Variants in ABCA1 observed in about 807,000 individuals in gnomAD.
ABCA1 encodes ATP binding cassette subfamily A member 1, also known as phospholipid-transporting ATPase ABCA1.
Under a neutral mutation model 262.5 loss-of-function variants are expected in ABCA1, and 133 were observed. That is an observed-to-expected ratio of 0.51 (90% CI 0.44 to 0.59). ABCA1 has a LOEUF of 0.59. ABCA1 is among the 20% of genes least tolerant of loss of function. ABCA1 has a pLI of 0.00. For missense variants in ABCA1, 2,452 were observed against 2,777.5 expected, an observed-to-expected ratio of 0.88 and a Z score of 2.63; for synonymous variants, 1,022 against 1,043.5, an observed-to-expected ratio of 0.98 and a Z score of 0.40.
At position 104,832,838 on chromosome 9, in the gene ABCA1, T is replaced by C; in HGVS notation, c.1312-67A>G. ...AAATCTTGAGGAGCACTACAAAATT[T>C]ACAAAATACTTGCATATACACTGTC... On this transcript the variant is annotated intron_variant, in intron 11 of 49. Coordinates refer to ENST00000374736, the MANE Select transcript of ABCA1 (RefSeq NM_005502.4). 4 of 1,459,654 alleles carry C rather than the reference T, an allele frequency of 2.7e-6. No individual in the cohort carries two copies. In the East Asian group the frequency reaches 6.8e-5, roughly 25 times the overall value. The allele number at this position is 1,459,654 out of a possible 1,614,324, so 90.4% of individuals were successfully genotyped here. A position where few individuals can be genotyped will look rare whatever the true frequency, so the allele number is the denominator to read the frequency against.
intron 17 of ABCA1, 88 bp from the exon 18 acceptor site, chr9:104,824,666 C>T (rs1328935435): frequency 6.9e-7 from 1 of 1,452,802 alleles, no homozygotes. Context: ...CTCCTTGACA[C>T]ATCCTTTGGA....
chr9:104,900,809 C>A (rs1253740473), intron 2 of ABCA1, among the ~76,000 whole-genome samples: 1 of 152,204 alleles, frequency 6.6e-6, no homozygotes, highest in Non-Finnish European at 1.5e-5. Flanking sequence ...TAAGCATCAG[C>A]AACCTGAAAT....
intron 5 of ABCA1, among the ~76,000 whole-genome samples, chr9:104,862,654 C>CGGCCA (rs1836605175): frequency 1.3e-4 from 1 of 7,512 alleles, no homozygotes; most frequent in African/African-American, 6.6e-4. Context: ...CGGGCCGGGC[C>CGGCCA]GGGCCGGGCC....
chr9:104,807,886 T>TAG (rs1303870991), intron 30 of ABCA1, among the ~76,000 whole-genome samples: 4 of 116,696 alleles, frequency 3.4e-5, no homozygotes, highest in African/African-American at 1.9e-4. Flanking sequence ...ATATATATAT[T>TAG]ATAAATATAT....
chr9:104,876,294 G>A (rs1237144247), intron 5 of ABCA1, among the ~76,000 whole-genome samples: 2 of 152,194 alleles, frequency 1.3e-5, no homozygotes, highest in Non-Finnish European at 2.9e-5. Context: ...GTGTGGAAAC[G>A]GGGAACAGAG....
chr9:104,872,789 A>G (rs968766422), intron 5 of ABCA1, among the ~76,000 whole-genome samples: 2 of 152,142 alleles, frequency 1.3e-5, no homozygotes, highest in Admixed American at 1.3e-4. Flanking sequence ...GAATAAATAA[A>G]CCTTATGCTG....
At chr9:104,828,140 G>C (rs1271257810) in intron 15 of ABCA1, among the ~76,000 whole-genome samples, 2 of 152,226 alleles carry the variant, frequency 1.3e-5, no homozygotes, top group Non-Finnish European at 2.9e-5. Context: ...ATTCAGGGAA[G>C]CCTTGTTGCC....
At chr9:104,913,493 T>A (rs1293777945) in intron 1 of ABCA1, among the ~76,000 whole-genome samples, 1 of 152,216 alleles carries the variant, frequency 6.6e-6, no homozygotes, top group East Asian at 1.9e-4. Context: ...CAGTGAAGTA[T>A]TCATCAAGGG....
chr9:104,879,208 G>A (rs1838417653), intron 5 of ABCA1, among the ~76,000 whole-genome samples: 1 of 152,212 alleles, frequency 6.6e-6, no homozygotes, highest in South Asian at 2.1e-4. Context: ...TGCATAAATT[G>A]CAAGGCAGAA....
intron 1 of ABCA1, among the ~76,000 whole-genome samples, chr9:104,909,635 CACACACACACACACACACAT>C (rs1395274300): frequency 1.3e-5 from 2 of 150,754 alleles, no homozygotes; most frequent in African/African-American, 2.5e-5. Context: ...CACACACACA[CACACACACACACACACACAT>C]TCACAGGAAG....
intron 8 of ABCA1, among the ~76,000 whole-genome samples, chr9:104,844,803 G>A (rs951150354): frequency 7.2e-5 from 11 of 152,084 alleles, no homozygotes; most frequent in South Asian, 6.2e-4. Flanking sequence ...ACAGTTCCTC[G>A]CTTCCAAGCC....
At chr9:104,792,165 G>A (rs889079514) in intron 42 of ABCA1, among the ~76,000 whole-genome samples, 167 bp from the exon 43 acceptor site, 2 of 152,220 alleles carry the variant, frequency 1.3e-5, no homozygotes, top group African/African-American at 4.8e-5. Flanking sequence ...CTGCGTTTGT[G>A]GCGACTGGCT....
At chr9:104,890,400 T>C (rs901813466) in intron 2 of ABCA1, among the ~76,000 whole-genome samples, 3 of 152,072 alleles carry the variant, frequency 2.0e-5, no homozygotes, top group Non-Finnish European at 2.9e-5. Flanking sequence ...GCCAACATGG[T>C]GAAACCCTGT....
intron 5 of ABCA1, among the ~76,000 whole-genome samples, chr9:104,875,993 T>C (rs1838133151): frequency 2.6e-5 from 4 of 152,180 alleles, no homozygotes; most frequent in Admixed American, 2.6e-4. Flanking sequence ...AGTTAAAAGG[T>C]ACTGGTGTGG....
chr9:104,853,105 C>T (rs909550677), intron 7 of ABCA1, among the ~76,000 whole-genome samples: 1 of 152,206 alleles, frequency 6.6e-6, no homozygotes, highest in Non-Finnish European at 1.5e-5. Context: ...CTCGGGGCAC[C>T]CTCACTTTCC....
At chr9:104,849,614 G>A (rs752871278) in intron 7 of ABCA1, among the ~76,000 whole-genome samples, 11 of 152,180 alleles carry the variant, frequency 7.2e-5, no homozygotes, top group Non-Finnish European at 1.5e-4. Flanking sequence ...GGCATGGATT[G>A]ACATCACAGG....
At chr9:104,882,625 T>G (rs1295138680) in intron 5 of ABCA1, among the ~76,000 whole-genome samples, 2 of 152,272 alleles carry the variant, frequency 1.3e-5, no homozygotes, top group Non-Finnish European at 2.9e-5. Context: ...TAGAAAGAAG[T>G]GCTTAACTTT....
intron 1 of ABCA1, among the ~76,000 whole-genome samples, chr9:104,920,521 T>C (rs1842086604): frequency 6.6e-6 from 1 of 152,144 alleles, no homozygotes; most frequent in Non-Finnish European, 1.5e-5. Context: ...GCAAGATTTT[T>C]GTTTTGTTTT....
chr9:104,822,692 TGAACCCACA>T, intron 18 of ABCA1, 25 bp from the exon 19 acceptor site: 1 of 1,613,268 alleles, frequency 6.2e-7, no homozygotes, highest in Non-Finnish European at 8.5e-7. Context: ...AAGACAGAAA[TGAACCCACA>T]GAAAGCACTG....
Sources: allele counts gnomAD v4.1 joint callset (sites outside exome capture counted in the v4.1 genomes callset), GRCh38; gene constraint gnomAD v4.1.1; transcripts MANE v1.5; gene names NCBI Gene and HGNC (gene_info 2026-07-23, HGNC 2026-07-21).